SLC36A2: variants seen among roughly 807,000 people sequenced by gnomAD.
The protein encoded by SLC36A2 is solute carrier family 36 member 2.
In SLC36A2, 39 loss-of-function variants were observed where a neutral mutation model predicts 42.7. That is an observed-to-expected ratio of 0.91 (90% confidence interval 0.71 to 1.19). The LOEUF (loss-of-function observed/expected upper bound fraction) is 1.19. Among genes scored for constraint, SLC36A2 ranks in the 50% most tolerant of loss-of-function variants. SLC36A2 has a pLI of 0.00. For missense variants in SLC36A2, 590 were observed against 613.7 expected (o/e 0.96, Z 0.41); for synonymous variants, 237 against 240.8 (o/e 0.98, Z 0.15).
intron 2 of SLC36A2, 100 bp from the exon 3 acceptor site, chr5:151,343,698 T>C: frequency 9.4e-7 from 1 of 1,067,224 alleles, no homozygotes; most frequent in Non-Finnish European, 1.4e-6. Context: ...CATGCAGAAC[T>C]CAAAGAACTC....
Position 151,347,515 on chromosome 5 carries a change from G to A in SLC36A2, c.-55C>T, listed in dbSNP as rs1756531893. On this transcript the variant is annotated 5_prime_UTR_variant, in exon 1 of 10. Coordinates refer to ENST00000335244, the MANE Select transcript of SLC36A2 (RefSeq NM_181776.3). The stretch of plus-strand genomic sequence containing the variant: ...GACAAAGAGGTCTGCTCTGGAAGGA[G>A]GGAAGCAGGAAGGTGTCTAGTGTAG... 5 of 1,604,152 alleles carry A rather than the reference G, an allele frequency of 3.1e-6. No individual in the cohort carries two copies. The highest frequency in any genetic ancestry group is 4.3e-6 in the Non-Finnish European group (5 of 1,173,506).
intron 9 of SLC36A2, among the ~76,000 whole-genome samples, chr5:151,318,451 T>A (rs1755572430): frequency 6.9e-6 from 1 of 145,810 alleles, no homozygotes; most frequent in East Asian, 1.9e-4. Flanking sequence ...ACAAATTTAT[T>A]ATTTATTTTA....
chr5:151,327,052 C>T (rs1232082518), intron 7 of SLC36A2, among the ~76,000 whole-genome samples: 4 of 151,996 alleles, frequency 2.6e-5, no homozygotes, highest in African/African-American at 7.3e-5. Flanking sequence ...TGGGCTCAAG[C>T]GATCCTCCCA....
At position 151,316,231 on chromosome 5, in the gene SLC36A2, T is replaced by C. The variant is rs1340405093; in HGVS notation, c.*586A>G. 3.2e-5 allele frequency: 5 copies of C among 154,182 alleles called. No homozygotes were observed. The highest frequency in any genetic ancestry group is 1.2e-4 in the African/African-American group (5 of 41,452). The allele number at this position is 154,182 out of a possible 1,614,324, so 9.6% of individuals were successfully genotyped here. ...GCTTCTTGCATAGCTCCACGCTAGG[T>C]ATGAAATTCATTGTGTGAATTATCA... On this transcript the variant is annotated 3_prime_UTR_variant, in exon 10 of 10. Coordinates refer to ENST00000335244, the MANE Select transcript of SLC36A2 (RefSeq NM_181776.3).
intron 9 of SLC36A2, among the ~76,000 whole-genome samples, chr5:151,317,311 G>A (rs1193594488): frequency 6.6e-6 from 1 of 152,030 alleles, no homozygotes; most frequent in Non-Finnish European, 1.5e-5. Context: ...AATCAGCCGG[G>A]TGTGGTAGTG....
chr5:151,336,108 C>A (rs6579852), intron 5 of SLC36A2, among the ~76,000 whole-genome samples: 30,487 of 152,080 alleles, frequency 0.2, 7,848 homozygotes, highest in African/African-American at 0.6. Context: ...AACTAGTATC[C>A]ATTTCTCCTG....
chr5:151,344,126 C>T (rs767155061), intron 2 of SLC36A2, 51 bp downstream of exon 2: 2 of 1,551,774 alleles, frequency 1.3e-6, no homozygotes, highest in Non-Finnish European at 1.8e-6. Context: ...TCTCCTCTTA[C>T]TTCCCTTCTG....
chr5:151,318,427 TATAA>T (rs202058862), intron 9 of SLC36A2, among the ~76,000 whole-genome samples: 11,880 of 145,626 alleles, frequency 0.082, 751 homozygotes, highest in African/African-American at 0.17. Flanking sequence ...ATATAAATAA[TATAA>T]ATAAATAATA....
At position 151,322,045 on chromosome 5, in the gene SLC36A2, CAT is replaced by C. The variant is rs778859437; in HGVS notation, c.1179_1180del (p.Cys394ProfsTer130). On this transcript the variant is annotated frameshift_variant and splice_region_variant, in exon 9 of 10. Transcript: ENST00000335244. LOFTEE classifies it high-confidence loss of function. The stretch of plus-strand genomic sequence containing the variant: ...AACACTGCACTCTCCTTTCTACTCA[CAT>C]GTCAGGCAGACCATGACGAGGCGAA... The C allele has an allele frequency of 5.0e-6, 8 of 1,614,180 alleles. No homozygotes were observed. In the South Asian group the frequency reaches 8.8e-5, roughly 18 times the overall value.
rs757434270 is a variant in SLC36A2, at chr5:151,343,006, G to A, written c.345-23C>T. 8.8e-6 allele frequency: 14 copies of A among 1,586,850 alleles called. No homozygotes were observed. The South Asian group carries it at 1.1e-4, about 13-fold the overall frequency. On this transcript the variant is annotated intron_variant, in intron 3 of 9. Coordinates refer to ENST00000335244, the MANE Select transcript of SLC36A2 (RefSeq NM_181776.3). Reference sequence around the variant, plus strand: ...AGCCTGCAGGAGAGAGTGCATAAACGGTTTCCAAGAGATAGTTTAGCCTAA... The same window carrying A: ...AGCCTGCAGGAGAGAGTGCATAAACAGTTTCCAAGAGATAGTTTAGCCTAA...
Position 151,334,281 on chromosome 5 carries a change from G to T in SLC36A2, c.745-959C>A, listed in dbSNP as rs554615270. Among the ~76,000 whole-genome samples, 4 of 152,104 alleles carry T rather than the reference G, an allele frequency of 2.6e-5. No homozygotes were observed. The South Asian group carries it at 8.3e-4, about 32-fold the overall frequency. On this transcript the variant is annotated intron_variant, in intron 6 of 9. Coordinates refer to ENST00000335244, the MANE Select transcript of SLC36A2 (RefSeq NM_181776.3). ...GACTATTATTTTTACTAAATTTCAC[G>T]GACAATGTAACTTTTTTTCTCTTGT...
rs1755466957 is a variant in SLC36A2, at chr5:151,315,474, AAAAT to A, written c.*1339_*1342del. 6.6e-6 allele frequency: 1 copy of A among 152,264 alleles called. No individual in the cohort carries two copies. Among genetic ancestry groups the A allele is most frequent in the African/African-American group, 2.4e-5 (1 of 41,436 alleles). The allele number at this position is 152,264 out of a possible 1,614,324, so 9.4% of individuals were successfully genotyped here. A position where few individuals can be genotyped will look rare whatever the true frequency, so the allele number is the denominator to read the frequency against. On this transcript the variant is annotated 3_prime_UTR_variant, in exon 10 of 10. Coordinates refer to ENST00000335244, the MANE Select transcript of SLC36A2 (RefSeq NM_181776.3). Reference sequence around the variant, plus strand: ...TAAAACCCCATCTCTACGAAAAACAAAAATTAGCCAGGCATAGTGGCAGGCACTT... The same window carrying A: ...TAAAACCCCATCTCTACGAAAAACAATAGCCAGGCATAGTGGCAGGCACTT...
At chr5:151,321,720 C>T (rs1330424844) in intron 9 of SLC36A2, among the ~76,000 whole-genome samples, 2 of 151,408 alleles carry the variant, frequency 1.3e-5, no homozygotes, top group African/African-American at 4.9e-5. Context: ...GCTCTGTTGC[C>T]CAGGCTGGAG....
In SLC36A2 at chr5:151,342,984, C is replaced by T. The variant is rs753301607; in HGVS notation, c.345-1G>A. On this transcript the variant is annotated splice_acceptor_variant, in intron 3 of 9. Transcript: ENST00000335244. LOFTEE classifies it high-confidence loss of function. ...ATAGTCCATAAAGGGCTTGTTAAGC[C>T]TGCAGGAGAGAGTGCATAAACGGTT... is the stretch of plus-strand genomic sequence containing the variant. 6.2e-7 allele frequency: 1 copy of T among 1,613,298 alleles called. No homozygotes were observed. The highest frequency in any genetic ancestry group is 8.5e-7 in the Non-Finnish European group (1 of 1,179,284).
In SLC36A2 at chr5:151,343,506, T is replaced by A. The variant is rs2127299581; in HGVS notation, c.344+4A>T. Reference sequence around the variant, plus strand: ...AATTGACACAAGGAGGCTGTTTTCCTCACCTCTTACAGAAGCGCTGGGCAC... The same window carrying A: ...AATTGACACAAGGAGGCTGTTTTCCACACCTCTTACAGAAGCGCTGGGCAC... On this transcript the variant is annotated splice_donor_region_variant and intron_variant, in intron 3 of 9. Transcript: ENST00000335244. The A allele has an allele frequency of 6.2e-7, 1 of 1,614,118 alleles. No individual in the cohort carries two copies. Among genetic ancestry groups the A allele is most frequent in the African/African-American group, 1.3e-5 (1 of 75,056 alleles).
chr5:151,333,229 C>A lies in SLC36A2; in HGVS notation c.838G>T (p.Gly280Cys). Residue 280 changes from glycine (G) to cysteine (C), a missense_variant, in exon 7 of 10, where the codon GGT becomes TGT. Physicochemically the swap from Gly to Cys is radical, Grantham distance 159 (BLOSUM62 -3). Coordinates refer to ENST00000335244, the MANE Select transcript of SLC36A2 (RefSeq NM_181776.3). ...CACCTCAATTCAAACCTTACCACAC[C>A]AATGCTTTCAAAAGAAAAAATGGCT... ...GTAIFSFESI[G>C]VVLPLENKMK... The A allele has an allele frequency of 6.2e-7, 1 of 1,613,758 alleles. No individual in the cohort carries two copies. Among genetic ancestry groups the A allele is most frequent in the South Asian group, 1.1e-5 (1 of 91,072 alleles).
Position 151,322,112 on chromosome 5 carries a change from G to C in SLC36A2, c.1114C>G (p.Arg372Gly). 1 of 1,614,186 alleles carries C rather than the reference G, an allele frequency of 6.2e-7. No individual in the cohort carries two copies. The highest frequency in any genetic ancestry group is 8.5e-7 in the Non-Finnish European group (1 of 1,180,036). Residue 372 changes from arginine (R) to glycine (G), a missense_variant, in exon 9 of 10, where the codon CGG (arginine) becomes GGG (glycine). Physicochemically the swap from Arg to Gly is moderately radical, Grantham distance 125 (BLOSUM62 -2). Coordinates refer to ENST00000335244, the MANE Select transcript of SLC36A2 (RefSeq NM_181776.3). ...GGCAGTGCCCAGCGTGTTGACACCC[G>C]GGAGATGGCAAAGGGGATGATGATT... ...AEIIIPFAIS[R>G]VSTRWALPLD...
At chr5:151,324,010 C>T (rs1339235592) in intron 8 of SLC36A2, among the ~76,000 whole-genome samples, 1 of 152,206 alleles carries the variant, frequency 6.6e-6, no homozygotes, top group African/African-American at 2.4e-5. Flanking sequence ...GAAAATCCCG[C>T]ACAGTGGGAT....
Position 151,316,777 on chromosome 5 carries a change from T to C in SLC36A2, c.*40A>G. 1 of 1,427,902 alleles carries C rather than the reference T, an allele frequency of 7.0e-7. No individual in the cohort carries two copies. The highest frequency in any genetic ancestry group is 9.7e-7 in the Non-Finnish European group (1 of 1,035,828). The allele number at this position is 1,427,902 out of a possible 1,614,324, so 88.5% of individuals were successfully genotyped here. A position where few individuals can be genotyped will look rare whatever the true frequency, so the allele number is the denominator to read the frequency against. On this transcript the variant is annotated 3_prime_UTR_variant, in exon 10 of 10. Coordinates refer to ENST00000335244, the MANE Select transcript of SLC36A2 (RefSeq NM_181776.3). ...AAAAAAAAAAAAGAGATCCATATAA[T>C]TAAAAGTCGGGTGCTGGTAGGCAAG...
Sources: gnomAD v4.1 joint callset for allele counts (sites outside exome capture counted in the v4.1 genomes callset) on GRCh38, gnomAD v4.1.1 for gene constraint, MANE v1.5 for transcripts, NCBI Gene and HGNC (gene_info 2026-07-23, HGNC 2026-07-21) for gene names.